The following MVB12B variants were observed in gnomAD, a reference collection of about 807,000 sequenced individuals.
MVB12B encodes the protein multivesicular body subunit 12B, also known as ESCRT-I complex subunit MVB12B.
A neutral mutation model predicts 41.6 loss-of-function variants in MVB12B; 16 were observed. The ratio of observed to expected loss-of-function variants is 0.38; its 90% confidence interval spans 0.26 to 0.58. The LOEUF (loss-of-function observed/expected upper bound fraction) is 0.58, where lower values mean the gene tolerates loss of function less well. Ranked by LOEUF, MVB12B falls within the 20% of genes least tolerant of loss-of-function variation. The pLI is 0.62. For missense variants in MVB12B, 274 were observed against 380.2 expected, an observed-to-expected ratio of 0.72 and a Z score of 2.32; for synonymous variants, 133 against 139.7, an observed-to-expected ratio of 0.95 and a Z score of 0.34.
chr9:126,443,954 C>G (rs1832706002), intron 7 of MVB12B, among the ~76,000 whole-genome samples: 1 of 152,258 alleles, frequency 6.6e-6, no homozygotes, highest in Non-Finnish European at 1.5e-5. Flanking sequence ...CAATATGTAG[C>G]TTTGTGTGTC....
chr9:126,341,490 T>A (rs1398969448), intron 2 of MVB12B, among the ~76,000 whole-genome samples: 1 of 152,176 alleles, frequency 6.6e-6, no homozygotes, highest in Non-Finnish European at 1.5e-5. Context: ...CAAGAATGCA[T>A]AAGAGTGAAA....
intron 2 of MVB12B, among the ~76,000 whole-genome samples, chr9:126,379,950 T>C (rs1211169715): frequency 6.6e-6 from 1 of 152,218 alleles, no homozygotes; most frequent in Non-Finnish European, 1.5e-5. Flanking sequence ...CAGCCATTTG[T>C]CAGGATGGGC....
chr9:126,356,924 TTGTA>T (rs1419968186), intron 2 of MVB12B, among the ~76,000 whole-genome samples: 1 of 151,990 alleles, frequency 6.6e-6, no homozygotes, highest in Non-Finnish European at 1.5e-5. Context: ...GGTGCCATGC[TTGTA>T]TAGGCTGTAG....
At chr9:126,498,395 CAG>C (rs1833882796) in intron 9 of MVB12B, among the ~76,000 whole-genome samples, 1 of 152,226 alleles carries the variant, frequency 6.6e-6, no homozygotes, top group South Asian at 2.1e-4. Context: ...ACCCCTGCAC[CAG>C]ACTCTTCTCG....
chr9:126,479,507 A>G (rs546746237), intron 7 of MVB12B, among the ~76,000 whole-genome samples: 1 of 152,330 alleles, frequency 6.6e-6, no homozygotes, highest in African/African-American at 2.4e-5. Flanking sequence ...CGCGGGATGT[A>G]CTGAACGAGA....
chr9:126,437,419 T>G (rs1459576489), intron 7 of MVB12B, among the ~76,000 whole-genome samples: 1 of 152,232 alleles, frequency 6.6e-6, no homozygotes, highest in Admixed American at 6.5e-5. Flanking sequence ...TATGTGCATC[T>G]GCTTTTAATT....
At chr9:126,339,578 T>C (rs894222942) in intron 1 of MVB12B, among the ~76,000 whole-genome samples, 1 of 152,190 alleles carries the variant, frequency 6.6e-6, no homozygotes, top group African/African-American at 2.4e-5. Context: ...AGAATAATAA[T>C]TCCATTTTCC....
At chr9:126,385,934 G>A (rs762268148) in intron 3 of MVB12B, among the ~76,000 whole-genome samples, 1 of 152,160 alleles carries the variant, frequency 6.6e-6, no homozygotes, top group Non-Finnish European at 1.5e-5. Context: ...ACCAGTTACC[G>A]AAACTGCGCA....
chr9:126,351,263 A>C (rs931587358), intron 2 of MVB12B, among the ~76,000 whole-genome samples: 1 of 152,138 alleles, frequency 6.6e-6, no homozygotes, highest in African/African-American at 2.4e-5. Flanking sequence ...TGCACTCACT[A>C]TTAGTTCTAG....
intron 9 of MVB12B, 28 bp downstream of exon 9, chr9:126,484,060 G>T (rs777408210): frequency 1.2e-6 from 2 of 1,609,368 alleles, no homozygotes; most frequent in East Asian, 4.5e-5. Context: ...GGAGGGGAGG[G>T]CAGGCCTGGG....
In MVB12B at chr9:126,460,188, C is replaced by CA. The variant is rs569554188; in HGVS notation, c.758-21180dup. ...TGTAGTTCTGCTCAGACCTCCTCGG[C>CA]AGGGTGGACAAGGCTCCGTCACCAT... On this transcript the variant is annotated intron_variant, in intron 7 of 9. Coordinates refer to ENST00000361171, the MANE Select transcript of MVB12B (RefSeq NM_033446.3). Among the ~76,000 whole-genome samples the CA allele has an allele frequency of 5.4e-3, 827 of 152,260 alleles. 5 individuals carry two copies. Among genetic ancestry groups the CA allele is most frequent in the Non-Finnish European group, 8.4e-3 (571 of 68,022 alleles).
chr9:126,336,499 C>T lies in MVB12B; in HGVS notation c.82-4009C>T, dbSNP rs543330548. Among the ~76,000 whole-genome samples, 19 of 152,310 alleles carry T rather than the reference C, an allele frequency of 1.2e-4. No individual in the cohort carries two copies. The South Asian group carries it at 1.9e-3, about 15-fold the overall frequency. On this transcript the variant is annotated intron_variant, in intron 1 of 9. Transcript: ENST00000361171. ...TCTTTATAGTTAAAGTTCATTTCTC[C>T]GTGAACCCGGGATGACAACCTTGGC... is the stretch of plus-strand genomic sequence containing the variant.
rs559469912 is a variant in MVB12B at position 126,468,772 on chromosome 9, A to T, written c.758-12597A>T. Among the ~76,000 whole-genome samples the T allele has an allele frequency of 1.1e-4, 16 of 152,284 alleles. No individual in the cohort carries two copies. The highest frequency in any genetic ancestry group is 3.4e-3 in the Middle Eastern group (1 of 294). ...ATCTCCCCATCTCTCTCTCCAGCTC[A>T]AAGACCCTTTGGTGGCTCCCCAGGG... On this transcript the variant is annotated intron_variant, in intron 7 of 9. Coordinates refer to ENST00000361171, the MANE Select transcript of MVB12B (RefSeq NM_033446.3). The surrounding 1 kb of genome is among the most constrained non-coding windows in gnomAD (Gnocchi z 4.3).
At chr9:126,481,771 G>T (rs993788892) in intron 8 of MVB12B, among the ~76,000 whole-genome samples, 1 of 152,234 alleles carries the variant, frequency 6.6e-6, no homozygotes, top group African/African-American at 2.4e-5. Flanking sequence ...CATGCCGCAC[G>T]TGATTAACCC....
chr9:126,360,675 A>G (rs1404223301), intron 2 of MVB12B, among the ~76,000 whole-genome samples: 1 of 152,228 alleles, frequency 6.6e-6, no homozygotes, highest in Non-Finnish European at 1.5e-5. Context: ...AGAGAAGGGT[A>G]TTAAAATCTC....
At chr9:126,465,444 A>G (rs1358411037) in intron 7 of MVB12B, among the ~76,000 whole-genome samples, 2 of 152,194 alleles carry the variant, frequency 1.3e-5, no homozygotes, top group Non-Finnish European at 2.9e-5. Context: ...AGTGAGCACC[A>G]GGATGAGTCA....
chr9:126,462,937 A>G (rs1408487026), intron 7 of MVB12B, among the ~76,000 whole-genome samples: 1 of 152,256 alleles, frequency 6.6e-6, no homozygotes, highest in African/African-American at 2.4e-5. Flanking sequence ...AAATCTGGGT[A>G]ATTGATGGCA....
At chr9:126,489,374 C>T (rs1371545004) in intron 9 of MVB12B, among the ~76,000 whole-genome samples, 1 of 152,242 alleles carries the variant, frequency 6.6e-6, no homozygotes, top group African/African-American at 2.4e-5. Context: ...GTCAGGGCAC[C>T]TGGCAGCTGG....
rs1833042662 is a variant in MVB12B, at chr9:126,459,280, C to A, written c.758-22089C>A. On this transcript the variant is annotated intron_variant, in intron 7 of 9. Transcript: ENST00000361171. This position sits in a 1 kb window ranked among gnomAD's most constrained non-coding sequence, Gnocchi z 4.3. ...AGTGCAGGCCTCCCCTTGACTGACA[C>A]ATGGCTCCCTTGCCTCTCTGAGTCA... Among the ~76,000 whole-genome samples, 1 of 152,226 alleles carries A rather than the reference C, an allele frequency of 6.6e-6. No homozygotes were observed. Among genetic ancestry groups the A allele is most frequent in the East Asian group, 1.9e-4 (1 of 5,196 alleles).
Sources: gnomAD v4.1 joint callset for allele counts (sites outside exome capture counted in the v4.1 genomes callset) on GRCh38, gnomAD v4.1.1 for gene constraint, Gnocchi (gnomAD v3.1) non-coding constraint, MANE v1.5 for transcripts, NCBI Gene and HGNC (gene_info 2026-07-23, HGNC 2026-07-21) for gene names.